Variants in ZNF451 observed in about 807,000 individuals in gnomAD.
ZNF451 encodes the protein zinc finger protein 451.
A neutral mutation model predicts 107.1 loss-of-function variants in ZNF451; 80 were observed. The ratio of observed to expected loss-of-function variants is 0.75; its 90% CI spans 0.62 to 0.90. The LOEUF is 0.90. Among genes scored for constraint, ZNF451 ranks in the 40% least tolerant of loss-of-function variants. The pLI, the probability that ZNF451 is intolerant of heterozygous loss-of-function variation, is 0.00. For synonymous variants in ZNF451, 362 were observed against 406.5 expected (o/e 0.89, Z 1.32); for missense variants, 1,107 against 1,236.2 (o/e 0.90, Z 1.57).
At chr6:57,151,008 G>C (rs1210523657) in intron 11 of ZNF451, 146 bp downstream of exon 11, 3 of 988,726 alleles carry the variant, frequency 3.0e-6, no homozygotes, top group Non-Finnish European at 2.9e-6. Flanking sequence ...TACTCTGCTA[G>C]AATCGTTTTC....
chr6:57,114,172 C>T (rs561934699), intron 3 of ZNF451, among the ~76,000 whole-genome samples: 3 of 152,126 alleles, frequency 2.0e-5, no homozygotes, highest in Non-Finnish European at 4.4e-5. Flanking sequence ...GTTAAACTTA[C>T]CTAAGAGAAC....
In ZNF451 at chr6:57,093,884, T is replaced by C. The variant is rs139329958; in HGVS notation, c.105+2990T>C. On this transcript the variant is annotated intron_variant, in intron 2 of 14. Coordinates refer to ENST00000370706, the MANE Select transcript of ZNF451 (RefSeq NM_001031623.3). ...TGAATGTTGGATTAAATTTGAACTA[T>C]AAAACAGGCACAATTGGAAACTATT... Among the ~76,000 whole-genome samples the C allele has an allele frequency of 3.5e-4, 54 of 152,362 alleles. No homozygotes were observed. In the East Asian group the frequency reaches 8.1e-3, roughly 23 times the overall value.
intron 3 of ZNF451, chr6:57,116,499 C>T (rs560425977): frequency 1.3e-5 from 2 of 151,666 alleles, no homozygotes; most frequent in East Asian, 1.9e-4. Flanking sequence ...TGCAGTGAGC[C>T]GAGATCACAC....
intron 6 of ZNF451, 26 bp downstream of exon 6, chr6:57,133,218 A>G (rs1258588619): frequency 6.3e-7 from 1 of 1,599,324 alleles, no homozygotes; most frequent in Non-Finnish European, 8.5e-7. Context: ...ATAATAGTGA[A>G]TGCTGAAGAT....
intron 3 of ZNF451, among the ~76,000 whole-genome samples, chr6:57,099,925 CTCT>C (rs926988523): frequency 2.0e-5 from 3 of 152,336 alleles, no homozygotes; most frequent in Non-Finnish European, 4.4e-5. Context: ...CCCAGCTTTA[CTCT>C]TTACAAATTC....
chr6:57,147,357 T>C lies in ZNF451; in HGVS notation c.1272T>C (p.Phe424=). The change falls in exon 10 of 15, where the codon TTT becomes TTC. Residue 424 remains phenylalanine (F), a synonymous_variant. Transcript: ENST00000370706. ...ATTTATTGTTGGATCAATCAAAATT[T>C]TCATCACTTAAAAGAACCATGTCTA... ...DLHLLLDQSK[F]SSLKRTMSIK... 6.2e-7 allele frequency: 1 copy of C among 1,614,136 alleles called. No homozygotes were observed. Among genetic ancestry groups the C allele is most frequent in the Non-Finnish European group, 8.5e-7 (1 of 1,179,994 alleles).
In ZNF451 at chr6:57,154,029, A is replaced by G. The variant is rs761784331; in HGVS notation, c.3052A>G (p.Ile1018Val). ...GDMMCALLNS[I>V]SDTTKECDSD... ...TATGATGTGTGCCTTGTTAAATAGC[A>G]TATCTGATACCACCAAAGGTACGCA... Residue 1018 changes from isoleucine to valine, a missense_variant, in exon 13 of 15, where the codon ATA (isoleucine) becomes GTA (valine). Transcript: ENST00000370706. 2.5e-6 allele frequency: 4 copies of G among 1,614,186 alleles called. No homozygotes were observed. The highest frequency in any genetic ancestry group is 2.2e-5 in the East Asian group (1 of 44,876).
At chr6:57,117,190 T>A (rs1830414497) in intron 3 of ZNF451, among the ~76,000 whole-genome samples, 1 of 152,190 alleles carries the variant, frequency 6.6e-6, no homozygotes, top group Non-Finnish European at 1.5e-5. Flanking sequence ...GTTTTAGATA[T>A]TTTTGGATTT....
chr6:57,097,064 A>G (rs1829364191), intron 2 of ZNF451, among the ~76,000 whole-genome samples: 1 of 152,102 alleles, frequency 6.6e-6, no homozygotes, highest in Non-Finnish European at 1.5e-5. Flanking sequence ...GCCACCGTGC[A>G]TGGCCTACAT....
At chr6:57,100,051 T>G (rs1164168877) in intron 3 of ZNF451, among the ~76,000 whole-genome samples, 1 of 152,210 alleles carries the variant, frequency 6.6e-6, no homozygotes, top group Non-Finnish European at 1.5e-5. Context: ...TAACTTCTTA[T>G]AACTACAAAC....
At chr6:57,094,356 T>G (rs933197174) in intron 2 of ZNF451, among the ~76,000 whole-genome samples, 1 of 152,130 alleles carries the variant, frequency 6.6e-6, no homozygotes, top group Non-Finnish European at 1.5e-5. Context: ...TTGCCCAGGC[T>G]GGAGTGCAGT....
Position 57,168,499 on chromosome 6 carries a change from G to T in ZNF451, c.*30G>T. 6.4e-7 allele frequency: 1 copy of T among 1,563,550 alleles called. No individual in the cohort carries two copies. The highest frequency in any genetic ancestry group is 8.8e-7 in the Non-Finnish European group (1 of 1,141,144). On this transcript the variant is annotated 3_prime_UTR_variant, in exon 15 of 15. Coordinates refer to ENST00000370706, the MANE Select transcript of ZNF451 (RefSeq NM_001031623.3). ...AGATATTACCACACAACATCAAGTGGCCTTGAAGAGACTGAGATAACGAAT... is the reference window on the plus strand; with the variant it reads ...AGATATTACCACACAACATCAAGTGTCCTTGAAGAGACTGAGATAACGAAT...
At chr6:57,104,313 G>A in intron 3 of ZNF451, 2 of 985,348 alleles carry the variant, frequency 2.0e-6, no homozygotes, top group Non-Finnish European at 2.4e-6. Context: ...TATCTTAGAG[G>A]ACTTGCCACT....
intron 7 of ZNF451, among the ~76,000 whole-genome samples, chr6:57,136,869 C>T (rs186453214): frequency 4.7e-4 from 72 of 151,854 alleles, no homozygotes; most frequent in Admixed American, 4.2e-3. Context: ...TCCTTTTTGC[C>T]GTCTCTCTAG....
intron 3 of ZNF451, chr6:57,109,302 CAT>C (rs1491288598): frequency 1.0e-6 from 1 of 959,126 alleles, no homozygotes; most frequent in Non-Finnish European, 1.2e-6. Flanking sequence ...CATATACACA[CAT>C]TTTTTTTTTT....
At chr6:57,129,912 A>G (rs753539641) in intron 5 of ZNF451, among the ~76,000 whole-genome samples, 5 of 152,126 alleles carry the variant, frequency 3.3e-5, no homozygotes, top group African/African-American at 7.2e-5. Context: ...ATCATGTCCA[A>G]TTATGTGAGA....
chr6:57,131,228 G>T (rs1224035733), intron 5 of ZNF451, among the ~76,000 whole-genome samples: 1 of 151,962 alleles, frequency 6.6e-6, no homozygotes, highest in Non-Finnish European at 1.5e-5. Context: ...TTCTTTATGG[G>T]TTTTTAGAGT....
At position 57,168,461 on chromosome 6, in the gene ZNF451, G is replaced by T; in HGVS notation, c.3178G>T (p.Glu1060Ter). The T allele has an allele frequency of 6.2e-7, 1 of 1,607,480 alleles. No homozygotes were observed. The highest frequency in any genetic ancestry group is 8.5e-7 in the Non-Finnish European group (1 of 1,176,610). Residue 1060 changes from glutamate to a stop codon, truncating the protein, a stop_gained, in exon 15 of 15, where the codon GAA becomes TAA. Coordinates refer to ENST00000370706, the MANE Select transcript of ZNF451 (RefSeq NM_001031623.3). LOFTEE classifies it high-confidence loss of function. Reference sequence around the variant, plus strand: ...AGAAGCTATTAGAAGAAGTCTTGAGGAAATGTAATTAAAGATATTACCACA... The same window carrying T: ...AGAAGCTATTAGAAGAAGTCTTGAGTAAATGTAATTAAAGATATTACCACA... Reference protein sequence around the residue: ...LEEAIRRSLEEM With the variant: ...LEEAIRRSLE
chr6:57,108,542 A>G lies in ZNF451; in HGVS notation c.186+9401A>G, dbSNP rs74444415. On this transcript the variant is annotated intron_variant, in intron 3 of 14. Transcript: ENST00000370706. ...TCATTTTTTTTTACATATTTAATTT[A>G]CATCTAACTACTGTTAGGTATGCAG... 4,717 of 985,304 alleles carry G rather than the reference A, an allele frequency of 4.8e-3. 152 individuals carry two copies. The African/African-American group carries it at 0.071, about 15-fold the overall frequency. The allele number at this position is 985,304 out of a possible 1,614,324, so 61.0% of individuals were successfully genotyped here.
Sources: allele counts gnomAD v4.1 joint callset (sites outside exome capture counted in the v4.1 genomes callset), GRCh38; gene constraint gnomAD v4.1.1; transcripts MANE v1.5; gene names NCBI Gene and HGNC (gene_info 2026-07-23, HGNC 2026-07-21).